ZBTB43: variants seen among roughly 807,000 people sequenced by gnomAD.
ZBTB43 encodes the protein zinc finger and BTB domain-containing protein 43.
A neutral mutation model predicts 31.1 loss-of-function variants in ZBTB43; 6 were observed. The observed-to-expected ratio is 0.19, with a 90% CI of 0.11 to 0.38. The LOEUF is 0.38. Among genes scored for constraint, ZBTB43 ranks in the 10% least tolerant of loss-of-function variants. The pLI is 1.00. For synonymous variants in ZBTB43, 212 were observed against 221.7 expected (o/e 0.96, Z 0.39); for missense variants, 379 against 602.1 (o/e 0.63, Z 3.88).
rs930610761 is a variant in ZBTB43 at position 126,835,180 on chromosome 9, G to A, written c.*1267G>A. ...ACCATGCTCCCACATTATAGATAAA[G>A]CTGCTTAAACTTAAAAGTCCACAAA... is the stretch of plus-strand genomic sequence containing the variant. On this transcript the variant is annotated 3_prime_UTR_variant, in exon 3 of 3. Coordinates refer to ENST00000373464, the MANE Select transcript of ZBTB43 (RefSeq NM_014007.4). The A allele has an allele frequency of 1.8e-5, 3 of 166,674 alleles. No homozygotes were observed. Among genetic ancestry groups the A allele is most frequent in the Non-Finnish European group, 4.4e-5 (3 of 68,052 alleles). 10.3% of individuals were successfully genotyped at this position (166,674 alleles called of 1,614,324 possible).
At chr9:126,815,868 T>G (rs1205746003) in intron 2 of ZBTB43, among the ~76,000 whole-genome samples, 3 of 152,112 alleles carry the variant, frequency 2.0e-5, no homozygotes, top group African/African-American at 4.8e-5. Context: ...ATTTTTAAAT[T>G]TGATGTCAGA....
intron 2 of ZBTB43, among the ~76,000 whole-genome samples, chr9:126,812,979 T>C (rs1445950758): frequency 1.3e-5 from 2 of 151,964 alleles, no homozygotes; most frequent in African/African-American, 4.8e-5. Context: ...CTGTTACTTT[T>C]TTTTTTTTTC....
Position 126,818,202 on chromosome 9 carries a change from A to T in ZBTB43, c.-24+9287A>T, listed in dbSNP as rs569292039. On this transcript the variant is annotated intron_variant, in intron 2 of 2. Coordinates refer to ENST00000373464, the MANE Select transcript of ZBTB43 (RefSeq NM_014007.4). Reference sequence around the variant, plus strand: ...CACTGGTGGGATCACAGCTCACTTTAGCCTAAAACTCTTGGGCTCAAATGA... The same window carrying T: ...CACTGGTGGGATCACAGCTCACTTTTGCCTAAAACTCTTGGGCTCAAATGA... 9.6e-5 allele frequency among the ~76,000 whole-genome samples: 14 copies of T among 145,486 alleles called. No homozygotes were observed. The South Asian group carries it at 1.3e-3, about 13-fold the overall frequency.
chr9:126,807,985 C>T (rs2032164728), intron 1 of ZBTB43, among the ~76,000 whole-genome samples: 1 of 152,040 alleles, frequency 6.6e-6, no homozygotes. Context: ...AGAATAGGGG[C>T]TTTTGTCTTA....
In ZBTB43 at chr9:126,832,534, C is replaced by T. The variant is rs1420179710; in HGVS notation, c.25C>T (p.Arg9Trp). 1.4e-5 allele frequency: 22 copies of T among 1,608,128 alleles called. No individual in the cohort carries two copies. The highest frequency in any genetic ancestry group is 2.2e-5 in the East Asian group (1 of 44,680). MEPGTNSF[R>W]VEFPDFSSTI... ...AATGGAGCCTGGAACAAACTCTTTT[C>T]GGGTAGAATTTCCTGATTTTTCCAG... Residue 9 changes from arginine to tryptophan, a missense_variant, in exon 3 of 3, where the codon CGG becomes TGG. Arg to Trp is a moderately radical substitution (Grantham distance 101). This residue lies in a region of ZBTB43 where 79 missense variants were observed against 134.4 expected (regional missense o/e 0.59). Coordinates refer to ENST00000373464, the MANE Select transcript of ZBTB43 (RefSeq NM_014007.4).
In ZBTB43 at chr9:126,805,148, G is replaced by A. The variant is rs1390414055; in HGVS notation, c.-147+16G>A. On this transcript the variant is annotated intron_variant, in intron 1 of 2. Transcript: ENST00000373464. ...CCCTTGGCAGGTACTGCGTGGCCAGGACCACGGGCGGCAAGGGTAGGGGAG... is the reference window on the plus strand; with the variant it reads ...CCCTTGGCAGGTACTGCGTGGCCAGAACCACGGGCGGCAAGGGTAGGGGAG... 6.5e-6 allele frequency: 1 copy of A among 152,682 alleles called. No homozygotes were observed. The highest frequency in any genetic ancestry group is 1.5e-5 in the Non-Finnish European group (1 of 68,442). The allele number at this position is 152,682 out of a possible 1,614,324, so 9.5% of individuals were successfully genotyped here. A position where few individuals can be genotyped will look rare whatever the true frequency, so the allele number is the denominator to read the frequency against.
At chr9:126,832,256 A>G (rs16929344) in intron 2 of ZBTB43, 6,138 of 499,178 alleles carry the variant, frequency 0.012, 327 homozygotes, top group African/African-American at 0.11. Context: ...CAGTTCTCTT[A>G]CCCACAGACA....
In ZBTB43 at chr9:126,837,213, G is replaced by A. The variant is rs1303730220; in HGVS notation, c.*3300G>A. 5 of 167,066 alleles carry A rather than the reference G, an allele frequency of 3.0e-5. No individual in the cohort carries two copies. The highest frequency in any genetic ancestry group is 6.5e-5 in the Admixed American group (1 of 15,288). The allele number at this position is 167,066 out of a possible 1,614,324, so 10.3% of individuals were successfully genotyped here. A position where few individuals can be genotyped will look rare whatever the true frequency, so the allele number is the denominator to read the frequency against. On this transcript the variant is annotated 3_prime_UTR_variant, in exon 3 of 3. Coordinates refer to ENST00000373464, the MANE Select transcript of ZBTB43 (RefSeq NM_014007.4). ...TCACCGTTAACTAAGGAAGGACTGC[G>A]GTAACTTACCCTGCAGGGCTGTAGG...
At chr9:126,819,279 ATTTTTTTTT>A (rs71377975) in intron 2 of ZBTB43, among the ~76,000 whole-genome samples, 2 of 100,192 alleles carry the variant, frequency 2.0e-5, no homozygotes, top group African/African-American at 7.6e-5. Context: ...CGGATATTGC[ATTTTTTTTT>A]TTTTTTTTTT....
chr9:126,824,184 G>A (rs1402575248), intron 2 of ZBTB43, among the ~76,000 whole-genome samples: 2 of 152,064 alleles, frequency 1.3e-5, no homozygotes, highest in African/African-American at 2.4e-5. Context: ...GCACCACCAC[G>A]CCTGGCTAAT....
intron 2 of ZBTB43, among the ~76,000 whole-genome samples, chr9:126,826,478 T>TTA (rs2032641139): frequency 7.8e-6 from 1 of 128,962 alleles, no homozygotes; most frequent in Non-Finnish European, 1.5e-5. Flanking sequence ...TTTTTTTTTT[T>TTA]TTTGAGACAG....
At position 126,832,964 on chromosome 9, in the gene ZBTB43, T is replaced by C. The variant is rs763847462; in HGVS notation, c.455T>C (p.Val152Ala). ...AGCAGCAGTAGTTATAATGGCCTGG[T>C]AGAGAGCTTTGAGCTGGGCTCTGGG... ...SPSSSSYNGL[V>A]ESFELGSGGH... Residue 152 changes from valine to alanine, a missense_variant, in exon 3 of 3, where the codon GTA becomes GCA. Coordinates refer to ENST00000373464, the MANE Select transcript of ZBTB43 (RefSeq NM_014007.4). 4 of 1,613,692 alleles carry C rather than the reference T, an allele frequency of 2.5e-6. No individual in the cohort carries two copies. In the East Asian group the frequency reaches 8.9e-5, roughly 36 times the overall value.
chr9:126,825,576 G>A (rs888420625), intron 2 of ZBTB43, among the ~76,000 whole-genome samples: 5 of 152,050 alleles, frequency 3.3e-5, no homozygotes, highest in South Asian at 2.1e-4. Flanking sequence ...TCTTTTCTTC[G>A]TGGTTGTGCA....
chr9:126,833,991 G>C lies in ZBTB43; in HGVS notation c.*78G>C. On this transcript the variant is annotated 3_prime_UTR_variant, in exon 3 of 3. Coordinates refer to ENST00000373464, the MANE Select transcript of ZBTB43 (RefSeq NM_014007.4). The surrounding 1 kb of genome is among the most constrained non-coding windows in gnomAD (Gnocchi z 7.9). Reference sequence around the variant, plus strand: ...ATGCAAATCTGGGCACAGATGATGCGTGCTACTTGCTATTATGAGAGAAGC... The same window carrying C: ...ATGCAAATCTGGGCACAGATGATGCCTGCTACTTGCTATTATGAGAGAAGC... The C allele has an allele frequency of 7.2e-7, 1 of 1,379,312 alleles. No homozygotes were observed. The highest frequency in any genetic ancestry group is 2.3e-5 in the Admixed American group (1 of 43,266). 85.4% of individuals were successfully genotyped at this position (1,379,312 alleles called of 1,614,324 possible).
intron 2 of ZBTB43, among the ~76,000 whole-genome samples, chr9:126,823,491 C>T (rs2032562058): frequency 1.3e-5 from 2 of 152,044 alleles, no homozygotes; most frequent in African/African-American, 4.8e-5. Flanking sequence ...CTCTTTGTGT[C>T]GTTATATCTA....
chr9:126,825,216 C>T (rs2032605092), intron 2 of ZBTB43, among the ~76,000 whole-genome samples: 1 of 152,190 alleles, frequency 6.6e-6, no homozygotes, highest in South Asian at 2.1e-4. Flanking sequence ...GCTGGGATTA[C>T]AGGCATGAGC....
chr9:126,811,855 A>G (rs1215184351), intron 2 of ZBTB43, among the ~76,000 whole-genome samples: 1 of 152,102 alleles, frequency 6.6e-6, no homozygotes, highest in Non-Finnish European at 1.5e-5. Flanking sequence ...CGAACTCCCG[A>G]CCTTGTGATC....
intron 2 of ZBTB43, among the ~76,000 whole-genome samples, chr9:126,814,518 G>A (rs1391446832): frequency 1.3e-5 from 2 of 151,874 alleles, no homozygotes; most frequent in Non-Finnish European, 2.9e-5. Context: ...TTTGGGCCGG[G>A]CGCGGTGGCT....
chr9:126,807,489 A>C (rs943036240), intron 1 of ZBTB43, among the ~76,000 whole-genome samples: 18 of 152,148 alleles, frequency 1.2e-4, no homozygotes, highest in Non-Finnish European at 2.6e-4. Context: ...GTTCTCTATC[A>C]TTGTCTCAGG....
Sources: allele counts gnomAD v4.1 joint callset (sites outside exome capture counted in the v4.1 genomes callset), GRCh38; gene constraint gnomAD v4.1.1; regional missense constraint gnomAD v4.1.1; non-coding constraint Gnocchi (gnomAD v3.1); transcripts MANE v1.5; gene names NCBI Gene and HGNC (gene_info 2026-07-23, HGNC 2026-07-21).